Variants in DENND2A observed in about 807,000 individuals in gnomAD.
The protein encoded by DENND2A is DENN domain containing 2A, also known as DENN domain-containing protein 2A.
Under a neutral mutation model 105.3 loss-of-function variants are expected in DENND2A, and 53 were observed. The ratio of observed to expected loss-of-function variants is 0.50; its 90% CI spans 0.40 to 0.63. The LOEUF is 0.63. DENND2A is among the 30% of genes least tolerant of loss of function. The pLI is 0.00. For missense variants in DENND2A, 1,138 were observed against 1,279.6 expected (o/e 0.89, Z 1.69); for synonymous variants, 522 against 508.4 (o/e 1.03, Z -0.36).
At chr7:140,577,417 A>T (rs1401793275) in intron 5 of DENND2A, among the ~76,000 whole-genome samples, 4 of 140,642 alleles carry the variant, frequency 2.8e-5, no homozygotes, top group Non-Finnish European at 6.1e-5. Context: ...TTTTTTTTTG[A>T]GATGGAGTCT....
chr7:140,531,786 G>C (rs1480929214), intron 14 of DENND2A, among the ~76,000 whole-genome samples: 3 of 150,878 alleles, frequency 2.0e-5, no homozygotes, highest in Non-Finnish European at 4.4e-5. Context: ...TTGCACCCCA[G>C]GCTGGGCAAC....
chr7:140,614,324 C>T (rs1484482245), intron 1 of DENND2A, among the ~76,000 whole-genome samples: 1 of 152,078 alleles, frequency 6.6e-6, no homozygotes, highest in Admixed American at 6.5e-5. Context: ...AGGCTGGTCT[C>T]GAACTCCTGG....
chr7:140,591,560 A>G (rs1257274003), intron 3 of DENND2A, among the ~76,000 whole-genome samples: 1 of 152,088 alleles, frequency 6.6e-6, no homozygotes, highest in Non-Finnish European at 1.5e-5. Flanking sequence ...CAATTATAAC[A>G]TTTGATCTAT....
chr7:140,564,679 A>G (rs1264481481), intron 9 of DENND2A, among the ~76,000 whole-genome samples: 1 of 152,196 alleles, frequency 6.6e-6, no homozygotes, highest in East Asian at 1.9e-4. Context: ...TAGAAAAAAA[A>G]TTTAATGTGG....
chr7:140,558,067 G>A, intron 11 of DENND2A, 76 bp downstream of exon 11: 3 of 1,259,676 alleles, frequency 2.4e-6, no homozygotes, highest in East Asian at 2.4e-5. Context: ...ACGGGACTGG[G>A]AAGCCAGACC....
At position 140,602,275 on chromosome 7, in the gene DENND2A, G is replaced by A. The variant is rs747931112; in HGVS notation, c.123C>T (p.His41=). 6.2e-7 allele frequency: 1 copy of A among 1,611,952 alleles called. No homozygotes were observed. Among genetic ancestry groups the A allele is most frequent in the Non-Finnish European group, 8.5e-7 (1 of 1,180,018 alleles). Residue 41 remains histidine (H), a synonymous_variant, in exon 3 of 20, where the codon CAC becomes CAT. Transcript: ENST00000496613. ...PCPSARARPR[H]KSLNIKDKIS... ...TCTTGTCCTTTATGTTGAGGGACTT[G>A]TGCCGGGGTCTGGCTCTGGCAGATG...
At chr7:140,616,800 T>A (rs1800099307) in intron 1 of DENND2A, among the ~76,000 whole-genome samples, 1 of 152,196 alleles carries the variant, frequency 6.6e-6, no homozygotes, top group Non-Finnish European at 1.5e-5. Context: ...GCTATTTTCA[T>A]GTCACTTGCA....
intron 1 of DENND2A, among the ~76,000 whole-genome samples, chr7:140,607,200 G>A (rs1799724026): frequency 6.6e-6 from 1 of 152,206 alleles, no homozygotes; most frequent in South Asian, 2.1e-4. Context: ...GTGATGGGAT[G>A]GCTGCCTGAT....
rs749798989 is a variant in DENND2A at position 140,585,728 on chromosome 7, G to A, written c.1124-18C>T. On this transcript the variant is annotated intron_variant, in intron 4 of 19. Transcript: ENST00000496613. ...TGGCGGATCTGTGTTCAAAGGCAAT[G>A]TGTCAGGAACCTGGGAACACTGAGG... The A allele has an allele frequency of 1.2e-5, 19 of 1,614,016 alleles. No individual in the cohort carries two copies. Among genetic ancestry groups the A allele is most frequent in the Non-Finnish European group, 1.6e-5 (19 of 1,180,014 alleles).
intron 1 of DENND2A, among the ~76,000 whole-genome samples, chr7:140,623,600 C>T (rs924232190): frequency 1.6e-4 from 24 of 150,920 alleles, no homozygotes; most frequent in African/African-American, 3.4e-4. Flanking sequence ...TGGTGGCGGG[C>T]GCCTGTAATC....
At chr7:140,631,464 G>A (rs936268925) in intron 1 of DENND2A, among the ~76,000 whole-genome samples, 1 of 152,060 alleles carries the variant, frequency 6.6e-6, no homozygotes, top group African/African-American at 2.4e-5. Flanking sequence ...AGGGAAAGAA[G>A]AGCCTGGAAT....
chr7:140,530,366 G>A (rs1339340941), intron 14 of DENND2A, among the ~76,000 whole-genome samples: 2 of 152,072 alleles, frequency 1.3e-5, no homozygotes, highest in Non-Finnish European at 2.9e-5. Flanking sequence ...GACTAATAAT[G>A]GTACTATTGA....
intron 14 of DENND2A, chr7:140,543,646 T>G (rs910501099): frequency 6.6e-6 from 1 of 152,272 alleles, no homozygotes; most frequent in Admixed American, 6.5e-5. Context: ...CAGGCTGGAG[T>G]GCAGTGGCAT....
chr7:140,519,326 T>A (rs1308523501), intron 19 of DENND2A, among the ~76,000 whole-genome samples: 1 of 152,220 alleles, frequency 6.6e-6, no homozygotes, highest in East Asian at 1.9e-4. Flanking sequence ...CGTCCTTGTC[T>A]GGTTCCCGCC....
In DENND2A at chr7:140,527,604, G is replaced by C; in HGVS notation, c.2328-109C>G. 8.6e-7 allele frequency: 1 copy of C among 1,165,594 alleles called. No individual in the cohort carries two copies. 72.2% of individuals were successfully genotyped at this position (1,165,594 alleles called of 1,614,324 possible). On this transcript the variant is annotated intron_variant, in intron 14 of 19. Coordinates refer to ENST00000496613, the MANE Select transcript of DENND2A (RefSeq NM_015689.5). This position sits in a 1 kb window ranked among gnomAD's most constrained non-coding sequence, Gnocchi z 4.9. ...ACAGGATGACTAGGAAAGGACACAC[G>C]TGGATGTGGATCCGGTGGAGCACAT...
intron 10 of DENND2A, among the ~76,000 whole-genome samples, chr7:140,558,843 C>T (rs1291140299): frequency 6.8e-6 from 1 of 146,280 alleles, no homozygotes; most frequent in Non-Finnish European, 1.5e-5. Flanking sequence ...CACTCGGTTG[C>T]CCAGGCTGGG....
intron 3 of DENND2A, among the ~76,000 whole-genome samples, chr7:140,599,206 C>T (rs1799391947): frequency 6.6e-6 from 1 of 151,940 alleles, no homozygotes; most frequent in Non-Finnish European, 1.5e-5. Context: ...GGCGTGGTGG[C>T]GTGCGCCTGT....
At chr7:140,542,363 A>G (rs1424164408) in intron 14 of DENND2A, among the ~76,000 whole-genome samples, 1 of 152,060 alleles carries the variant, frequency 6.6e-6, no homozygotes. Context: ...CCTATGGGGC[A>G]CTGAGTTTGT....
chr7:140,580,657 G>C (rs1276140316), intron 5 of DENND2A, among the ~76,000 whole-genome samples: 4 of 151,870 alleles, frequency 2.6e-5, no homozygotes, highest in African/African-American at 9.7e-5. Flanking sequence ...TTATTTTTGA[G>C]ATGGAGTCTC....
Sources: gnomAD v4.1 joint callset for allele counts (sites outside exome capture counted in the v4.1 genomes callset) on GRCh38, gnomAD v4.1.1 for gene constraint, Gnocchi (gnomAD v3.1) non-coding constraint, MANE v1.5 for transcripts, NCBI Gene and HGNC (gene_info 2026-07-23, HGNC 2026-07-21) for gene names.